Variants in KCNQ1OT1 observed in about 807,000 individuals in gnomAD.
KCNQ1OT1 encodes the protein KCNQ1 opposite strand/antisense transcript 1.
Position 2,683,951 on chromosome 11 carries a change from C to A in KCNQ1OT1, n.16044G>T. On this transcript the variant is annotated non_coding_transcript_exon_variant, in exon 1 of 1. Coordinates refer to ENST00000597346, the Ensembl canonical transcript of KCNQ1OT1. This position sits in a 1 kb window ranked among gnomAD's most constrained non-coding sequence, Gnocchi z 4.7. The stretch of plus-strand genomic sequence containing the variant: ...TTCATAGTCAGACAAAACCAGCTGA[C>A]TGCTTTTACTTTTTTTTTTTTTTCA... 2.5e-6 allele frequency: 1 copy of A among 397,176 alleles called. No homozygotes were observed. Among genetic ancestry groups the A allele is most frequent in the Non-Finnish European group, 4.4e-6 (1 of 225,960 alleles). The allele number at this position is 397,176 out of a possible 1,614,324, so 24.6% of individuals were successfully genotyped here.
chr11:2,635,611 AGCGTGAT>A, exon 1 of KCNQ1OT1: 1 of 152,326 alleles, frequency 6.6e-6, no homozygotes, highest in East Asian at 1.9e-4. Context: ...GAAGTCAGGT[AGCGTGAT>A]GCCTCCAGCT....
chr11:2,695,328 TTGTGTG>T lies in KCNQ1OT1; in HGVS notation n.4661_4666del, dbSNP rs61588088. The T allele has an allele frequency of 3.8e-5, 15 of 393,850 alleles. No homozygotes were observed. In the Admixed American group the frequency reaches 5.8e-4, roughly 15 times the overall value. 24.4% of individuals were successfully genotyped at this position (393,850 alleles called of 1,614,324 possible). Reference sequence around the variant, plus strand: ...TCTCCAGGGTAATTTATTTATATCATTGTGTGTGTGTGTGTGCACTCACGAGCACTC... The same window carrying T: ...TCTCCAGGGTAATTTATTTATATCATTGTGTGTGTGCACTCACGAGCACTC... On this transcript the variant is annotated non_coding_transcript_exon_variant, in exon 1 of 1. Transcript: ENST00000597346. This position sits in a 1 kb window ranked among gnomAD's most constrained non-coding sequence, Gnocchi z 5.2.
exon 1 of KCNQ1OT1, chr11:2,696,341 C>T (rs1564861340): frequency 2.5e-6 from 1 of 398,584 alleles, no homozygotes; most frequent in East Asian, 3.6e-5. Flanking sequence ...GCTGGCTTTC[C>T]AACATCATCT....
rs1267974783 is a variant in KCNQ1OT1, at chr11:2,674,222, C to T, written n.25773G>A. 2.5e-6 allele frequency: 1 copy of T among 398,534 alleles called. No homozygotes were observed. Among genetic ancestry groups the T allele is most frequent in the Non-Finnish European group, 4.4e-6 (1 of 226,152 alleles). The allele number at this position is 398,534 out of a possible 1,614,324, so 24.7% of individuals were successfully genotyped here. On this transcript the variant is annotated non_coding_transcript_exon_variant, in exon 1 of 1. Coordinates refer to ENST00000597346, the Ensembl canonical transcript of KCNQ1OT1. The surrounding 1 kb of genome is among the most constrained non-coding windows in gnomAD (Gnocchi z 5.9). ...CCAGTTGTGGGTTTTTCTTGGGGCC[C>T]AGATAGATGTGAGCAGAGCTGGAGG...
chr11:2,667,673 G>A (rs1367333015), exon 1 of KCNQ1OT1: 5 of 398,580 alleles, frequency 1.3e-5, no homozygotes, highest in African/African-American at 8.2e-5. Context: ...AGAGCCTCTG[G>A]AGGCTGAAGC....
chr11:2,662,430 C>A, exon 1 of KCNQ1OT1: 1 of 505,048 alleles, frequency 2.0e-6, no homozygotes, highest in Non-Finnish European at 3.5e-6. Flanking sequence ...TAGCATTTCC[C>A]CATGGAACCC....
At chr11:2,649,273 T>C in exon 1 of KCNQ1OT1, 1 of 398,526 alleles carries the variant, frequency 2.5e-6, no homozygotes, top group Admixed American at 4.4e-5. Flanking sequence ...GACTGATTTG[T>C]ATACTTTTGT....
Position 2,654,959 on chromosome 11 carries a change from T to C in KCNQ1OT1, n.45036A>G, listed in dbSNP as rs978874658. ...GGAGACTTCCACAAATTATTGTTTC[T>C]TGACTTGGAAAAGTATCATGCAAAA... On this transcript the variant is annotated non_coding_transcript_exon_variant, in exon 1 of 1. Transcript: ENST00000597346. The surrounding 1 kb of genome is among the most constrained non-coding windows in gnomAD (Gnocchi z 6.4). 4 of 398,492 alleles carry C rather than the reference T, an allele frequency of 1.0e-5. No homozygotes were observed. Among genetic ancestry groups the C allele is most frequent in the Admixed American group, 8.8e-5 (2 of 22,722 alleles). 24.7% of individuals were successfully genotyped at this position (398,492 alleles called of 1,614,324 possible).
exon 1 of KCNQ1OT1, chr11:2,688,941 C>T (rs945047665): frequency 7.5e-6 from 3 of 398,738 alleles, no homozygotes; most frequent in Non-Finnish European, 1.3e-5. Context: ...CAGGCTGTCA[C>T]CCACTGGGCC....
At chr11:2,648,601 G>T in exon 1 of KCNQ1OT1, 1 of 398,398 alleles carries the variant, frequency 2.5e-6, no homozygotes, top group African/African-American at 2.1e-5. Flanking sequence ...TCTTGTTATT[G>T]ATTTCCAGTT....
chr11:2,632,838 ATTCCATATC>A, exon 1 of KCNQ1OT1: 1 of 398,432 alleles, frequency 2.5e-6, no homozygotes, highest in Non-Finnish European at 4.4e-6. Flanking sequence ...ATTTAAGTTG[ATTCCATATC>A]TTAACTGTTG....
At position 2,690,403 on chromosome 11, in the gene KCNQ1OT1, T is replaced by C; in HGVS notation, n.9592A>G. 1 of 398,558 alleles carries C rather than the reference T, an allele frequency of 2.5e-6. No homozygotes were observed. The allele number at this position is 398,558 out of a possible 1,614,324, so 24.7% of individuals were successfully genotyped here. On this transcript the variant is annotated non_coding_transcript_exon_variant, in exon 1 of 1. Transcript: ENST00000597346. The surrounding 1 kb of genome is among the most constrained non-coding windows in gnomAD (Gnocchi z 5.1). ...TGTGCCAGACCAAAAGAGCTATCTCTCTCCCTGCGAAAGGCTGGGGTCCTG... is the reference window on the plus strand; with the variant it reads ...TGTGCCAGACCAAAAGAGCTATCTCCCTCCCTGCGAAAGGCTGGGGTCCTG...
chr11:2,665,136 C>T (rs1850042470), exon 1 of KCNQ1OT1: 2 of 398,658 alleles, frequency 5.0e-6, no homozygotes, highest in East Asian at 3.6e-5. Flanking sequence ...GTGGGCCCTA[C>T]TGCTCAGCCT....
chr11:2,660,073 C>G (rs1849923613), exon 1 of KCNQ1OT1: 1 of 398,308 alleles, frequency 2.5e-6, no homozygotes, highest in Admixed American at 4.4e-5. Context: ...TTCTTTTTCT[C>G]TTACGAGTTA....
exon 1 of KCNQ1OT1, chr11:2,688,797 A>C (rs1177531989): frequency 2.5e-6 from 1 of 398,656 alleles, no homozygotes; most frequent in South Asian, 1.3e-4. Flanking sequence ...GCCCTCCCCC[A>C]CACACAGCCC....
exon 1 of KCNQ1OT1, chr11:2,610,892 A>G: frequency 2.5e-6 from 1 of 398,116 alleles, no homozygotes; most frequent in Non-Finnish European, 4.4e-6. Flanking sequence ...CCACCATTTC[A>G]TCCAAGAATA....
chr11:2,615,063 A>AT (rs1268433809), exon 1 of KCNQ1OT1: 1 of 398,224 alleles, frequency 2.5e-6, no homozygotes, highest in Non-Finnish European at 4.4e-6. Flanking sequence ...GTCTTCTTTA[A>AT]TTTTTGTCAA....
At position 2,670,910 on chromosome 11, in the gene KCNQ1OT1, G is replaced by A. The variant is rs1175860715; in HGVS notation, n.29085C>T. 1.3e-5 allele frequency: 5 copies of A among 398,688 alleles called. No individual in the cohort carries two copies. Among genetic ancestry groups the A allele is most frequent in the Middle Eastern group, 6.3e-4 (1 of 1,588 alleles). 24.7% of individuals were successfully genotyped at this position (398,688 alleles called of 1,614,324 possible). The stretch of plus-strand genomic sequence containing the variant: ...TGGATTGCCTGGACAAGGCTGACCT[G>A]CCCTCCCAGGATGCAAATTGGCAGG... On this transcript the variant is annotated non_coding_transcript_exon_variant, in exon 1 of 1. Transcript: ENST00000597346. This position sits in a 1 kb window ranked among gnomAD's most constrained non-coding sequence, Gnocchi z 4.9.
rs200623938 is a variant in KCNQ1OT1, at chr11:2,654,503, C to T, written n.45492G>A. On this transcript the variant is annotated non_coding_transcript_exon_variant, in exon 1 of 1. Coordinates refer to ENST00000597346, the Ensembl canonical transcript of KCNQ1OT1. This position sits in a 1 kb window ranked among gnomAD's most constrained non-coding sequence, Gnocchi z 6.4. ...GCCGTACAGGGGAGGGGGCAATCTC[C>T]GGAGCCCTGGAAAGCTTGTGGAAGA... The T allele has an allele frequency of 5.5e-5, 22 of 398,574 alleles. No homozygotes were observed. The East Asian group carries it at 6.1e-4, about 11-fold the overall frequency. 24.7% of individuals were successfully genotyped at this position (398,574 alleles called of 1,614,324 possible). A position where few individuals can be genotyped will look rare whatever the true frequency, so the allele number is the denominator to read the frequency against.
Sources: allele counts gnomAD v4.1 joint callset, GRCh38; gene constraint gnomAD v4.1.1; non-coding constraint Gnocchi (gnomAD v3.1); transcripts MANE v1.5; gene names NCBI Gene and HGNC (gene_info 2026-07-23, HGNC 2026-07-21).